MILR1: variants seen among roughly 807,000 people sequenced by gnomAD.
The protein encoded by MILR1 is mast cell immunoglobulin like receptor 1.
In MILR1, 31 loss-of-function variants were observed where a neutral mutation model predicts 18.5. The observed-to-expected ratio is 1.68, with a 90% CI of 1.26 to 2.26. MILR1 has a LOEUF of 2.26. MILR1 is among the 30% of genes most tolerant of loss of function. MILR1 has a pLI of 0.00. For missense variants in MILR1, 257 were observed against 157.4 expected (o/e 1.63, Z -3.38); for synonymous variants, 85 against 56.2 (o/e 1.51, Z -2.30).
the MILR1 span, chr17:64,482,935 G>A: frequency 6.3e-7 from 1 of 1,590,612 alleles, no homozygotes; most frequent in Non-Finnish European, 8.6e-7. Context: ...TAGTTCCAAT[G>A]TGGGGCCTCT....
chr17:64,465,999 A>G (rs2037549207), intron 6 of MILR1, among the ~76,000 whole-genome samples: 1 of 152,196 alleles, frequency 6.6e-6, no homozygotes, highest in South Asian at 2.1e-4. Context: ...TAGTTTATAA[A>G]GGAAAGAGGT....
chr17:64,466,667 G>A lies in MILR1; in HGVS notation c.979+5G>A. 6.2e-7 allele frequency: 1 copy of A among 1,601,400 alleles called. No individual in the cohort carries two copies. The highest frequency in any genetic ancestry group is 1.1e-5 in the South Asian group (1 of 88,976). On this transcript the variant is annotated splice_donor_5th_base_variant and intron_variant, in intron 8 of 9. Transcript: ENST00000619286. ...AGGTGGCACCAAGAGAGCAAGGTGAGCCACAGGTTGGGATAAGAGGTACTG... is the reference window on the plus strand; with the variant it reads ...AGGTGGCACCAAGAGAGCAAGGTGAACCACAGGTTGGGATAAGAGGTACTG...
the MILR1 span, chr17:64,492,743 A>G: frequency 6.2e-7 from 1 of 1,613,212 alleles, no homozygotes; most frequent in Admixed American, 1.7e-5. Flanking sequence ...AGTAAACCAT[A>G]CTAACGAAGC....
chr17:64,483,553 T>A, the MILR1 span, among the ~76,000 whole-genome samples: 1 of 151,544 alleles, frequency 6.6e-6, no homozygotes, highest in African/African-American at 2.4e-5. Flanking sequence ...ACCCTCCCAT[T>A]TTCTGACAAC....
the MILR1 span, chr17:64,483,049 T>C: frequency 5.5e-6 from 5 of 909,678 alleles, no homozygotes; most frequent in Admixed American, 1.9e-5. Flanking sequence ...GGAAAAAGCA[T>C]AGTTTGTTTA....
the MILR1 span, among the ~76,000 whole-genome samples, chr17:64,491,332 C>T: frequency 6.6e-6 from 1 of 152,158 alleles, no homozygotes; most frequent in Non-Finnish European, 1.5e-5. Context: ...CAGTGGCTCA[C>T]GCCTGTTATG....
At chr17:64,472,497 A>AAAAAAG, downstream of MILR1, among the ~76,000 whole-genome samples, 1 of 146,202 alleles carries the variant, frequency 6.8e-6, no homozygotes, top group Non-Finnish European at 1.5e-5. Flanking sequence ...AAAAAAAAAA[A>AAAAAAG]GAATAACTAG....
At chr17:64,461,180 G>A (rs1376489337) in intron 5 of MILR1, among the ~76,000 whole-genome samples, 1 of 152,084 alleles carries the variant, frequency 6.6e-6, no homozygotes, top group East Asian at 1.9e-4. Context: ...CTTCACAGAC[G>A]TACAGCCTGT....
chr17:64,451,917 G>T (rs916548149), intron 2 of MILR1, among the ~76,000 whole-genome samples: 1 of 151,176 alleles, frequency 6.6e-6, no homozygotes. Context: ...GGGCAACAGA[G>T]TGAGACTCTG....
At chr17:64,487,669 CG>C in the MILR1 span, among the ~76,000 whole-genome samples, 1 of 149,078 alleles carries the variant, frequency 6.7e-6, no homozygotes, top group Non-Finnish European at 1.5e-5. Context: ...TTCTGTGGTG[CG>C]CTTTGAATCA....
intron 2 of MILR1, among the ~76,000 whole-genome samples, chr17:64,452,121 T>C (rs1342299315): frequency 6.7e-6 from 1 of 149,872 alleles, no homozygotes; most frequent in Admixed American, 6.7e-5. Context: ...TTTTAAAAAT[T>C]AGAGACGAGG....
At chr17:64,492,663 G>A in the MILR1 span, 3 of 1,549,444 alleles carry the variant, frequency 1.9e-6, no homozygotes, top group Non-Finnish European at 2.7e-6. Flanking sequence ...AATTATTGCA[G>A]TACCTTTCTC....
intron 4 of MILR1, among the ~76,000 whole-genome samples, chr17:64,459,228 T>A (rs1421659743): frequency 6.6e-6 from 1 of 151,856 alleles, no homozygotes; most frequent in Non-Finnish European, 1.5e-5. Flanking sequence ...AGCCCAGGAG[T>A]TTGAGACCAG....
intron 4 of MILR1, among the ~76,000 whole-genome samples, chr17:64,459,235 C>A (rs2037368779): frequency 6.6e-6 from 1 of 152,008 alleles, no homozygotes; most frequent in Non-Finnish European, 1.5e-5. Flanking sequence ...GAGTTTGAGA[C>A]CAGCCTGGGT....
intron 3 of MILR1, among the ~76,000 whole-genome samples, chr17:64,453,975 G>A (rs2037233796): frequency 6.6e-6 from 1 of 151,926 alleles, no homozygotes; most frequent in African/African-American, 2.4e-5. Flanking sequence ...TGTCACCCAG[G>A]CTGGAGTGCA....
intron 4 of MILR1, among the ~76,000 whole-genome samples, chr17:64,460,002 TTA>T: frequency 1.6e-5 from 2 of 125,018 alleles, no homozygotes; most frequent in Admixed American, 7.8e-5. Context: ...TTTTATTTAT[TTA>T]TTTATTTATT....
chr17:64,485,798 A>T, the MILR1 span: 1 of 1,610,826 alleles, frequency 6.2e-7, no homozygotes, highest in Non-Finnish European at 8.5e-7. Flanking sequence ...GAGGTAGGCC[A>T]GCATGCCTCG....
chr17:64,464,999 A>G (rs146698920), intron 5 of MILR1, among the ~76,000 whole-genome samples: 412 of 152,290 alleles, frequency 2.7e-3, no homozygotes, highest in Non-Finnish European at 4.8e-3. Context: ...GAGGCAGGAA[A>G]ATCGCTTGAA....
chr17:64,460,912 T>C lies in MILR1; in HGVS notation c.743T>C (p.Val248Ala). The change falls in exon 5 of 10, where the codon GTA becomes GCA. Residue 248 changes from valine to alanine, a missense_variant. Physicochemically the swap from Val to Ala is moderately conservative, Grantham distance 64. Coordinates refer to ENST00000619286, the MANE Select transcript of MILR1 (RefSeq NM_001085423.2). ...ATAATCCTAATTCTGGCTTTTTGGG[T>C]ACTGCCCAAATACAAAACAAGTAAG... ...VVIILILAFW[V>A]LPKYKTRKAM... 1 of 475,006 alleles carries C rather than the reference T, an allele frequency of 2.1e-6. No homozygotes were observed. Among genetic ancestry groups the C allele is most frequent in the Non-Finnish European group, 3.9e-6 (1 of 258,792 alleles). 29.4% of individuals were successfully genotyped at this position (475,006 alleles called of 1,614,324 possible).
Sources: gnomAD v4.1 joint callset for allele counts (sites outside exome capture counted in the v4.1 genomes callset) on GRCh38, gnomAD v4.1.1 for gene constraint, MANE v1.5 for transcripts, NCBI Gene and HGNC (gene_info 2026-07-23, HGNC 2026-07-21) for gene names.